IPO11: variants seen among roughly 807,000 people sequenced by gnomAD.
The protein encoded by IPO11 is importin-11.
IPO11 carries 66 observed loss-of-function variants against 143.2 expected under a neutral mutation model. That is an observed-to-expected ratio of 0.46 (90% CI 0.38 to 0.57). The LOEUF is 0.57. IPO11 is among the 20% of genes least tolerant of loss of function. The pLI, the probability that IPO11 is intolerant of heterozygous loss-of-function variation, is 0.00. For missense variants in IPO11, 1,026 were observed against 1,141.0 expected, an observed-to-expected ratio of 0.90 and a Z score of 1.45; for synonymous variants, 385 against 377.8, an observed-to-expected ratio of 1.02 and a Z score of -0.22.
intron 11 of IPO11, 87 bp downstream of exon 11, chr5:62,484,249 CATA>C: frequency 9.4e-7 from 1 of 1,068,884 alleles, no homozygotes; most frequent in Non-Finnish European, 1.3e-6. Flanking sequence ...ATTGTATTTT[CATA>C]CAGCACTTTT....
intron 5 of IPO11, among the ~76,000 whole-genome samples, chr5:62,461,861 C>T (rs186703520): frequency 5.6e-4 from 85 of 152,196 alleles, no homozygotes; most frequent in African/African-American, 1.9e-3. Flanking sequence ...ATTATACTTA[C>T]GTTGAACATC....
At chr5:62,521,473 T>C (rs564908390) in intron 20 of IPO11, among the ~76,000 whole-genome samples, 1 of 152,230 alleles carries the variant, frequency 6.6e-6, no homozygotes, top group East Asian at 1.9e-4. Flanking sequence ...GTATTACCCC[T>C]CCTTCCCTTT....
intron 16 of IPO11, among the ~76,000 whole-genome samples, chr5:62,498,367 A>G (rs1295985752): frequency 6.6e-6 from 1 of 152,124 alleles, no homozygotes; most frequent in Non-Finnish European, 1.5e-5. Context: ...TTTCCCCTTT[A>G]TAATATATTA....
At chr5:62,580,456 T>G in intron 27 of IPO11, 1 of 1,551,458 alleles carries the variant, frequency 6.4e-7, no homozygotes, top group South Asian at 1.2e-5. Flanking sequence ...TCTTACAGCC[T>G]TGCATCCAAG....
intron 6 of IPO11, among the ~76,000 whole-genome samples, chr5:62,467,807 T>C (rs921695063): frequency 2.0e-5 from 3 of 152,220 alleles, no homozygotes; most frequent in African/African-American, 7.2e-5. Flanking sequence ...TCACTTTCCT[T>C]GAGCTGTTTA....
At chr5:62,469,566 A>G (rs1016257507) in intron 6 of IPO11, among the ~76,000 whole-genome samples, 8 of 152,156 alleles carry the variant, frequency 5.3e-5, no homozygotes, top group African/African-American at 1.7e-4. Context: ...TAATTGCTAT[A>G]TTTTACATAT....
chr5:62,615,975 C>G lies in IPO11; in HGVS notation c.2764-11179C>G, dbSNP rs192132810. Among the ~76,000 whole-genome samples the G allele has an allele frequency of 2.3e-3, 308 of 133,856 alleles. 2 individuals are homozygous for G. The highest frequency in any genetic ancestry group is 8.3e-3 in the African/African-American group (301 of 36,056). 87.8% of individuals were successfully genotyped at this position (133,856 alleles called of 152,430 possible). ...ACATGACAAAATGGAATTTGCTGAT[C>G]AAAGATAGGTACATTTGGATTATCT... On this transcript the variant is annotated intron_variant, in intron 29 of 29. Coordinates refer to ENST00000325324, the MANE Select transcript of IPO11 (RefSeq NM_016338.5).
At chr5:62,589,882 CG>C (rs1481513349) in intron 27 of IPO11, among the ~76,000 whole-genome samples, 5 of 152,058 alleles carry the variant, frequency 3.3e-5, no homozygotes, top group Admixed American at 2.0e-4. Flanking sequence ...GGTAGGCTGA[CG>C]GGAGTCCTGG....
In IPO11 at chr5:62,580,270, C is replaced by A. The variant is rs539071352; in HGVS notation, c.2583-11307C>A. 2.0e-4 allele frequency: 303 copies of A among 1,541,514 alleles called. 1 individual carries two copies. The South Asian group carries it at 2.0e-3, about 10-fold the overall frequency. ...GGATGGGTTTAGTGGAATTAATAAT[C>A]TTAAACATTTGATCTTAAGTCATAA... On this transcript the variant is annotated intron_variant, in intron 27 of 29. Coordinates refer to ENST00000325324, the MANE Select transcript of IPO11 (RefSeq NM_016338.5).
At chr5:62,604,835 A>G (rs1444849097) in intron 29 of IPO11, among the ~76,000 whole-genome samples, 1 of 152,216 alleles carries the variant, frequency 6.6e-6, no homozygotes, top group African/African-American at 2.4e-5. Flanking sequence ...TGTGTATTGT[A>G]TAACATTTAA....
intron 19 of IPO11, chr5:62,512,600 CTTT>C (rs1389943930): frequency 7.2e-6 from 4 of 556,000 alleles, no homozygotes; most frequent in Non-Finnish European, 1.3e-5. Context: ...TTGTTGTTTT[CTTT>C]TTAATTTTAT....
At chr5:62,464,680 A>T (rs1471594850) in intron 5 of IPO11, among the ~76,000 whole-genome samples, 1 of 151,678 alleles carries the variant, frequency 6.6e-6, no homozygotes, top group Non-Finnish European at 1.5e-5. Context: ...GTGTTTCGCC[A>T]TGTTGCACAG....
chr5:62,492,839 G>GT (rs1740969888), intron 15 of IPO11, among the ~76,000 whole-genome samples: 1 of 151,960 alleles, frequency 6.6e-6, no homozygotes, highest in African/African-American at 2.4e-5. Flanking sequence ...ACCCGGCCCA[G>GT]TTTTTGCAAC....
intron 24 of IPO11, among the ~76,000 whole-genome samples, chr5:62,541,876 G>A (rs903719233): frequency 6.6e-6 from 1 of 151,954 alleles, no homozygotes; most frequent in African/African-American, 2.4e-5. Flanking sequence ...TTCTCTGTAA[G>A]TATGCCAACA....
intron 29 of IPO11, among the ~76,000 whole-genome samples, chr5:62,603,231 C>T (rs1048182440): frequency 4.6e-5 from 7 of 152,120 alleles, no homozygotes; most frequent in East Asian, 1.9e-4. Flanking sequence ...GCTATATATA[C>T]GTTTAAGAAA....
At position 62,591,638 on chromosome 5, in the gene IPO11, A is replaced by G. The variant is rs773965352; in HGVS notation, c.2644A>G (p.Met882Val). 58 of 1,608,754 alleles carry G rather than the reference A, an allele frequency of 3.6e-5. No homozygotes were observed. The highest frequency in any genetic ancestry group is 4.5e-5 in the Non-Finnish European group (53 of 1,177,928). Residue 882 changes from methionine to valine, a missense_variant, in exon 28 of 30, where the codon ATG becomes GTG. Coordinates refer to ENST00000325324, the MANE Select transcript of IPO11 (RefSeq NM_016338.5). ...TTCAGTAGAAGGCCTGCATGATGTC[A>G]TGACGGAAGATCCTGAAACAGGAAC... ...NISVEGLHDVMTEDPETGTYK... is the reference protein window; with the variant it reads ...NISVEGLHDVVTEDPETGTYK...
At chr5:62,414,882 G>A (rs953577091) in intron 1 of IPO11, among the ~76,000 whole-genome samples, 8 of 152,168 alleles carry the variant, frequency 5.3e-5, no homozygotes, top group African/African-American at 1.9e-4. Context: ...GTGATCTTAT[G>A]CTGATTATCC....
intron 1 of IPO11, among the ~76,000 whole-genome samples, chr5:62,434,367 T>C (rs1261441081): frequency 1.3e-5 from 2 of 152,056 alleles, no homozygotes; most frequent in African/African-American, 2.4e-5. Context: ...AGTGGCGTGA[T>C]CACAGCTCAC....
At chr5:62,524,174 A>G (rs1281878603) in intron 20 of IPO11, among the ~76,000 whole-genome samples, 2 of 152,164 alleles carry the variant, frequency 1.3e-5, no homozygotes, top group African/African-American at 2.4e-5. Flanking sequence ...TTAAAGCTGC[A>G]TATCAGGGAT....
Sources: allele counts gnomAD v4.1 joint callset (sites outside exome capture counted in the v4.1 genomes callset), GRCh38; gene constraint gnomAD v4.1.1; transcripts MANE v1.5; gene names NCBI Gene and HGNC (gene_info 2026-07-23, HGNC 2026-07-21).